Variants in BLTP3B observed in about 807,000 individuals in gnomAD.
BLTP3B encodes the protein UHRF1 (ICBP90) binding protein 1-like.
chr12:100,134,034 C>T, the BLTP3B span, among the ~76,000 whole-genome samples: 307 of 152,160 alleles, frequency 2.0e-3, 2 homozygotes, highest in African/African-American at 7.1e-3. Context: ...ATATACATAT[C>T]GTTCAGTACT....
At chr12:100,037,882 T>G in the BLTP3B span, 2 of 785,066 alleles carry the variant, frequency 2.5e-6, no homozygotes, top group South Asian at 2.3e-5. Context: ...AGAGTGCACT[T>G]AAGCTGAAAA....
chr12:100,102,110 C>CTTTTTTTTTT, the BLTP3B span, among the ~76,000 whole-genome samples: 489 of 135,038 alleles, frequency 3.6e-3, 4 homozygotes, highest in African/African-American at 0.013. Flanking sequence ...CAACTTAACT[C>CTTTTTTTTTT]TTTTTTTTTT....
At chr12:100,072,931 C>T in the BLTP3B span, 2 of 1,069,196 alleles carry the variant, frequency 1.9e-6, no homozygotes, top group South Asian at 3.8e-5. Context: ...GGTTAATTTC[C>T]AGTGTAAACT....
the BLTP3B span, among the ~76,000 whole-genome samples, chr12:100,073,913 G>A: frequency 6.6e-5 from 10 of 152,114 alleles, no homozygotes; most frequent in Middle Eastern, 3.4e-3. Flanking sequence ...AGCTAATATC[G>A]TTCTGAAGCG....
the BLTP3B span, among the ~76,000 whole-genome samples, chr12:100,082,052 C>T: frequency 5.5e-4 from 84 of 152,244 alleles, 2 homozygotes; most frequent in East Asian, 0.012. Context: ...ATTCCCTTTT[C>T]TCCACAACCT....
At chr12:100,099,716 T>C in the BLTP3B span, among the ~76,000 whole-genome samples, 2,453 of 151,048 alleles carry the variant, frequency 0.016, 21 homozygotes, top group Non-Finnish European at 0.021. Context: ...CACTGCACTC[T>C]AGCCTGGGCA....
At chr12:100,065,979 C>T in the BLTP3B span, among the ~76,000 whole-genome samples, 8 of 152,250 alleles carry the variant, frequency 5.3e-5, no homozygotes, top group Admixed American at 5.2e-4. Context: ...TGATGTCACC[C>T]CCTGGCGGCC....
chr12:100,047,736 A>G, the BLTP3B span: 1 of 1,096,126 alleles, frequency 9.1e-7, no homozygotes, highest in African/African-American at 1.6e-5. Flanking sequence ...TTCAGCTGAT[A>G]TAGCGAGAAA....
At chr12:100,137,682 C>T in the BLTP3B span, among the ~76,000 whole-genome samples, 1 of 152,146 alleles carries the variant, frequency 6.6e-6, no homozygotes, top group Admixed American at 6.5e-5. Context: ...CCAGATATTG[C>T]TCCTAAACCC....
the BLTP3B span, among the ~76,000 whole-genome samples, chr12:100,089,604 A>G: frequency 6.6e-6 from 1 of 152,128 alleles, no homozygotes; most frequent in Admixed American, 6.6e-5. Context: ...AAAAACTGTA[A>G]AACTATACAC....
the BLTP3B span, chr12:100,059,750 CA>C: frequency 2.3e-6 from 3 of 1,293,530 alleles, no homozygotes; most frequent in Non-Finnish European, 3.2e-6. Flanking sequence ...TTTTAAAAAA[CA>C]TAACATGAAT....
the BLTP3B span, among the ~76,000 whole-genome samples, chr12:100,085,450 A>G: frequency 6.6e-6 from 1 of 152,196 alleles, no homozygotes; most frequent in African/African-American, 2.4e-5. Flanking sequence ...ATGAGTCAGG[A>G]CGATAGTATA....
the BLTP3B span, among the ~76,000 whole-genome samples, chr12:100,100,756 C>T: frequency 1.3e-5 from 2 of 150,834 alleles, no homozygotes; most frequent in Admixed American, 6.6e-5. Flanking sequence ...CTGAACACCA[C>T]TCAATGAATG....
chr12:100,089,591 CA>C, the BLTP3B span, among the ~76,000 whole-genome samples: 3 of 151,838 alleles, frequency 2.0e-5, no homozygotes, highest in African/African-American at 7.3e-5. Flanking sequence ...AAAAAACAAA[CA>C]AAAAAACTGT....
chr12:100,046,526 T>C, the BLTP3B span, among the ~76,000 whole-genome samples: 3 of 134,468 alleles, frequency 2.2e-5, no homozygotes, highest in East Asian at 6.3e-4. Flanking sequence ...AGTTGAACAA[T>C]GAGAACACAT....
At chr12:100,041,596 C>T in the BLTP3B span, among the ~76,000 whole-genome samples, 1 of 151,916 alleles carries the variant, frequency 6.6e-6, no homozygotes, top group African/African-American at 2.4e-5. Flanking sequence ...ACTACCACAC[C>T]CAGCTAATTT....
At chr12:100,140,704 CAAAAAAA>C in the BLTP3B span, among the ~76,000 whole-genome samples, 21 of 33,772 alleles carry the variant, frequency 6.2e-4, no homozygotes, top group African/African-American at 2.0e-3. Context: ...GACTCTGTCT[CAAAAAAA>C]AAAAAAAAAA....
At chr12:100,121,460 A>G in the BLTP3B span, among the ~76,000 whole-genome samples, 1 of 151,914 alleles carries the variant, frequency 6.6e-6, no homozygotes, top group Non-Finnish European at 1.5e-5. Flanking sequence ...ATTACAAAGG[A>G]GCATGAGGAA....
the BLTP3B span, among the ~76,000 whole-genome samples, chr12:100,101,743 A>G: frequency 6.6e-6 from 1 of 152,354 alleles, no homozygotes; most frequent in African/African-American, 2.4e-5. Flanking sequence ...GTGGAAAGCA[A>G]AAACATTTTA....
Sources: gnomAD v4.1 joint callset for allele counts (sites outside exome capture counted in the v4.1 genomes callset) on GRCh38, gnomAD v4.1.1 for gene constraint, MANE v1.5 for transcripts, NCBI Gene and HGNC (gene_info 2026-07-23, HGNC 2026-07-21) for gene names.